The following BCL2A1 variants were observed in gnomAD, a reference collection of about 807,000 sequenced individuals.
The protein encoded by BCL2A1 is bcl-2-related protein A1.
In BCL2A1, 10 loss-of-function variants were observed where a neutral mutation model predicts 14.4. The observed-to-expected ratio is 0.69, with a 90% confidence interval of 0.43 to 1.18. The LOEUF is 1.18. Among genes scored for constraint, BCL2A1 ranks in the 50% most tolerant of loss-of-function variants. The pLI is 0.00. For synonymous variants in BCL2A1, 71 were observed against 76.5 expected (o/e 0.93, Z 0.38); for missense variants, 158 against 205.0 (o/e 0.77, Z 1.40).
At position 79,968,325 on chromosome 15, in the gene BCL2A1, A is replaced by G. The variant is rs930765541; in HGVS notation, c.420+2375T>C. 2.0e-5 allele frequency among the ~76,000 whole-genome samples: 3 copies of G among 152,170 alleles called. No homozygotes were observed. The East Asian group carries it at 5.8e-4, about 29-fold the overall frequency. Reference sequence around the variant, plus strand: ...ACATTTGCCTTCACCTGAAATCTACACAGTGCAGCTGAATTTCCACCAGTC... The same window carrying G: ...ACATTTGCCTTCACCTGAAATCTACGCAGTGCAGCTGAATTTCCACCAGTC... On this transcript the variant is annotated intron_variant, in intron 1 of 1. Transcript: ENST00000267953.
intron 1 of BCL2A1, among the ~76,000 whole-genome samples, chr15:79,961,918 A>T (rs1329507743): frequency 2.6e-5 from 4 of 152,186 alleles, no homozygotes; most frequent in Non-Finnish European, 5.9e-5. Flanking sequence ...CCATTATTTT[A>T]ACAAATGAGG....
At chr15:79,969,500 A>G (rs1310422995) in intron 1 of BCL2A1, among the ~76,000 whole-genome samples, 5 of 152,234 alleles carry the variant, frequency 3.3e-5, no homozygotes, top group Non-Finnish European at 7.3e-5. Flanking sequence ...TACAGCACTT[A>G]CATATAACAG....
chr15:79,970,607 GT>G (rs2035583304), intron 1 of BCL2A1, 92 bp downstream of exon 1: 1 of 1,263,354 alleles, frequency 7.9e-7, no homozygotes, highest in Admixed American at 2.4e-5. Flanking sequence ...GTATTCTTAG[GT>G]AAAGTGTTTT....
At chr15:79,967,492 A>T (rs745544651) in intron 1 of BCL2A1, 9 of 843,764 alleles carry the variant, frequency 1.1e-5, no homozygotes, top group Admixed American at 5.9e-5. Context: ...CTGGGATTAC[A>T]GGCATGAGCC....
intron 1 of BCL2A1, among the ~76,000 whole-genome samples, chr15:79,961,385 G>C (rs958169072): frequency 1.3e-5 from 2 of 152,126 alleles, no homozygotes; most frequent in African/African-American, 2.4e-5. Flanking sequence ...TAAAAAAATA[G>C]ATAAAACTAA....
Position 79,971,062 on chromosome 15 carries a change from C to T in BCL2A1, c.58G>A (p.Val20Ile), listed in dbSNP as rs776279670. Residue 20 changes from valine to isoleucine, a missense_variant, in exon 1 of 2, where the codon GTC becomes ATC. Transcript: ENST00000267953. The part of the protein sequence containing the change: ...YRLAQDYLQC[V>I]LQIPQPGSGP... ...GATCCAGGTTGTGGTATCTGTAGGACGCACTGCAGATAGTCCTGAGCCAGC... is the reference window on the plus strand; with the variant it reads ...GATCCAGGTTGTGGTATCTGTAGGATGCACTGCAGATAGTCCTGAGCCAGC... 138 of 1,614,034 alleles carry T rather than the reference C, an allele frequency of 8.6e-5. No homozygotes were observed. Among genetic ancestry groups the T allele is most frequent in the Middle Eastern group, 1.6e-4 (1 of 6,084 alleles).
In BCL2A1 at chr15:79,967,613, T is replaced by C. The variant is rs200294794; in HGVS notation, c.420+3087A>G. 7.1e-4 allele frequency: 1,130 copies of C among 1,593,744 alleles called. 11 individuals carry two copies. The African/African-American group carries it at 0.014, about 20-fold the overall frequency. ...GTATGTGCTCACATCTTGATAAAGC[T>C]GTAAGTGCCTTCTCTACTCTTACCT... On this transcript the variant is annotated intron_variant, in intron 1 of 1. Coordinates refer to ENST00000267953, the MANE Select transcript of BCL2A1 (RefSeq NM_004049.4).
At chr15:79,968,715 G>A (rs562527913) in intron 1 of BCL2A1, among the ~76,000 whole-genome samples, 40 of 152,356 alleles carry the variant, frequency 2.6e-4, no homozygotes, top group African/African-American at 9.6e-4. Context: ...AGGATCACCC[G>A]AGGTCAGGAG....
At position 79,966,110 on chromosome 15, in the gene BCL2A1, G is replaced by A. The variant is rs117807336; in HGVS notation, c.420+4590C>T. On this transcript the variant is annotated intron_variant, in intron 1 of 1. Coordinates refer to ENST00000267953, the MANE Select transcript of BCL2A1 (RefSeq NM_004049.4). ...ATCTAAACTTCCTGGAATTTCCCAC[G>A]ACTCTCGTAGTTGCACAGTATTTGA... Among the ~76,000 whole-genome samples the A allele has an allele frequency of 1.2e-4, 19 of 152,202 alleles. No individual in the cohort carries two copies. In the East Asian group the frequency reaches 2.9e-3, roughly 23 times the overall value.
intron 1 of BCL2A1, among the ~76,000 whole-genome samples, chr15:79,968,846 C>G (rs1041001886): frequency 6.6e-6 from 1 of 152,200 alleles, no homozygotes; most frequent in African/African-American, 2.4e-5. Flanking sequence ...AGGAGAATTG[C>G]TCGAAACCAG....
rs1489558306 is a variant in BCL2A1, at chr15:79,971,045, T to A, written c.75A>T (p.Gln25His). ...ACGTTTTGCTTGGACCTGATCCAGG[T>A]TGTGGTATCTGTAGGACGCACTGCA... Reference protein sequence around the residue: ...DYLQCVLQIPQPGSGPSKTSR... With the variant: ...DYLQCVLQIPHPGSGPSKTSR... Residue 25 changes from glutamine to histidine, a missense_variant, in exon 1 of 2, where the codon CAA becomes CAT. Transcript: ENST00000267953. 1.9e-6 allele frequency: 3 copies of A among 1,614,070 alleles called. No individual in the cohort carries two copies. Among genetic ancestry groups the A allele is most frequent in the Non-Finnish European group, 2.5e-6 (3 of 1,180,028 alleles).
At chr15:79,963,306 TG>T (rs779600387) in intron 1 of BCL2A1, among the ~76,000 whole-genome samples, 13 of 151,950 alleles carry the variant, frequency 8.6e-5, no homozygotes, top group Non-Finnish European at 1.8e-4. Flanking sequence ...TTTTAAACTA[TG>T]AAAAATTAAA....
chr15:79,970,948 T>C lies in BCL2A1; in HGVS notation c.172A>G (p.Asn58Asp), dbSNP rs1209525038. The C allele has an allele frequency of 6.2e-7, 1 of 1,614,144 alleles. No individual in the cohort carries two copies. Among genetic ancestry groups the C allele is most frequent in the East Asian group, 2.2e-5 (1 of 44,902 alleles). ...VEKNLKSCLDNVNVVSVDTAR... is the reference protein window; with the variant it reads ...VEKNLKSCLDDVNVVSVDTAR... ...GTGTCTACGGACACAACATTAACAT[T>C]GTCCAAGCATGACTTCAGATTCTTT... The change falls in exon 1 of 2, where the codon AAT becomes GAT. Residue 58 changes from asparagine to aspartate, a missense_variant. By Grantham distance (23) the Asn-to-Asp change is conservative (BLOSUM62 1). Transcript: ENST00000267953.
intron 1 of BCL2A1, among the ~76,000 whole-genome samples, chr15:79,970,068 G>T (rs1029513212): frequency 1.3e-5 from 2 of 151,832 alleles, no homozygotes; most frequent in Non-Finnish European, 2.9e-5. Flanking sequence ...TTGAATAAAG[G>T]TTCTTGCTGG....
Position 79,971,027 on chromosome 15 carries a change from G to C in BCL2A1, c.93C>G (p.Ser31Arg). 1 of 1,614,198 alleles carries C rather than the reference G, an allele frequency of 6.2e-7. No individual in the cohort carries two copies. Among genetic ancestry groups the C allele is most frequent in the Non-Finnish European group, 8.5e-7 (1 of 1,180,020 alleles). ...LQIPQPGSGP[S>R]KTSRVLQNVA... ...CATTTTGTAGCACTCTGGACGTTTT[G>C]CTTGGACCTGATCCAGGTTGTGGTA... Residue 31 changes from serine to arginine, a missense_variant, in exon 1 of 2, where the codon AGC becomes AGG. Physicochemically the swap from Ser to Arg is moderately radical, Grantham distance 110. Transcript: ENST00000267953.
chr15:79,965,070 T>A (rs975936161), intron 1 of BCL2A1, among the ~76,000 whole-genome samples: 1 of 152,138 alleles, frequency 6.6e-6, no homozygotes, highest in African/African-American at 2.4e-5. Context: ...GTTCCCAGGG[T>A]AAAAGGGCAG....
chr15:79,965,265 T>C (rs2035529849), intron 1 of BCL2A1, among the ~76,000 whole-genome samples: 1 of 152,114 alleles, frequency 6.6e-6, no homozygotes, highest in Non-Finnish European at 1.5e-5. Flanking sequence ...GTAGCTGGGA[T>C]TACAGGCATG....
Position 79,970,956 on chromosome 15 carries a change from C to A in BCL2A1, c.164G>T (p.Cys55Phe). The change falls in exon 1 of 2, where the codon TGC (cysteine) becomes TTC (phenylalanine). Residue 55 changes from cysteine (C) to phenylalanine (F), a missense_variant. By Grantham distance (205) the Cys-to-Phe change is radical (BLOSUM62 -2). Transcript: ENST00000267953. ...GGACACAACATTAACATTGTCCAAGCATGACTTCAGATTCTTTTCCACTTC... is the reference window on the plus strand; with the variant it reads ...GGACACAACATTAACATTGTCCAAGAATGACTTCAGATTCTTTTCCACTTC... ...QKEVEKNLKS[C>F]LDNVNVVSVD... The A allele has an allele frequency of 6.2e-7, 1 of 1,614,260 alleles. No homozygotes were observed. Among genetic ancestry groups the A allele is most frequent in the Non-Finnish European group, 8.5e-7 (1 of 1,180,040 alleles).
In BCL2A1 at chr15:79,965,637, A is replaced by G. The variant is rs140487660; in HGVS notation, c.421-4463T>C. Reference sequence around the variant, plus strand: ...TGTGGGCTATGAGAGACAGGAGTCCAGGCTGACTCCCAAGGTTAGAGAACT... The same window carrying G: ...TGTGGGCTATGAGAGACAGGAGTCCGGGCTGACTCCCAAGGTTAGAGAACT... On this transcript the variant is annotated intron_variant, in intron 1 of 1. Coordinates refer to ENST00000267953, the MANE Select transcript of BCL2A1 (RefSeq NM_004049.4). 2.9e-3 allele frequency among the ~76,000 whole-genome samples: 438 copies of G among 152,308 alleles called. 2 individuals are homozygous for G. The highest frequency in any genetic ancestry group is 9.6e-3 in the African/African-American group (399 of 41,570).
Sources: gnomAD v4.1 joint callset for allele counts (sites outside exome capture counted in the v4.1 genomes callset) on GRCh38, gnomAD v4.1.1 for gene constraint, MANE v1.5 for transcripts, NCBI Gene and HGNC (gene_info 2026-07-23, HGNC 2026-07-21) for gene names.